PLCL2: variants seen among roughly 807,000 people sequenced by gnomAD.
PLCL2 encodes inactive phospholipase C-like protein 2.
In PLCL2, 4 loss-of-function variants were observed where a neutral mutation model predicts 79.6. The ratio of observed to expected loss-of-function variants is 0.05; its 90% CI spans 0.02 to 0.11. The LOEUF (loss-of-function observed/expected upper bound fraction) is 0.11. Ranked by LOEUF, PLCL2 falls within the 10% of genes least tolerant of loss-of-function variation. PLCL2 has a pLI of 1.00. For synonymous variants in PLCL2, 484 were observed against 457.7 expected, an observed-to-expected ratio of 1.06 and a Z score of -0.73; for missense variants, 895 against 1,291.0, an observed-to-expected ratio of 0.69 and a Z score of 4.70.
chr3:16,949,127 G>C (rs1297422679), intron 1 of PLCL2, among the ~76,000 whole-genome samples: 2 of 152,126 alleles, frequency 1.3e-5, no homozygotes, highest in Admixed American at 6.5e-5. Flanking sequence ...TATTATGAGT[G>C]GTTCAGCAGT....
At chr3:16,905,053 G>T (rs572871780) in intron 1 of PLCL2, among the ~76,000 whole-genome samples, 94 of 152,178 alleles carry the variant, frequency 6.2e-4, no homozygotes, top group Non-Finnish European at 1.1e-3. Context: ...CTTTTTGCAA[G>T]CAGAAGCCTG....
At chr3:16,964,516 A>G (rs1426508248) in intron 1 of PLCL2, among the ~76,000 whole-genome samples, 1 of 152,176 alleles carries the variant, frequency 6.6e-6, no homozygotes, top group Admixed American at 6.5e-5. Flanking sequence ...CATGATTATA[A>G]TCCTTTGGGT....
At chr3:16,938,185 G>A (rs1015571949) in intron 1 of PLCL2, among the ~76,000 whole-genome samples, 1 of 152,062 alleles carries the variant, frequency 6.6e-6, no homozygotes, top group South Asian at 2.1e-4. Context: ...TGGTGGATCT[G>A]TTCTTTAAAA....
rs557196402 is a variant in PLCL2 at position 16,889,475 on chromosome 3, C to T, written c.327+4109C>T. Among the ~76,000 whole-genome samples the T allele has an allele frequency of 7.2e-5, 11 of 152,312 alleles. 1 individual carries two copies. The highest frequency in any genetic ancestry group is 5.8e-4 in the East Asian group (3 of 5,180). ...AACATAGCCAGGAGGCTTTTAGTCA[C>T]CCGTTGTGGCTGCTTGACCAGGGCT... On this transcript the variant is annotated intron_variant, in intron 1 of 5. Transcript: ENST00000615277.
At chr3:17,049,223 T>C (rs528501931) in intron 4 of PLCL2, among the ~76,000 whole-genome samples, 140 of 152,222 alleles carry the variant, frequency 9.2e-4, no homozygotes, top group African/African-American at 3.2e-3. Context: ...CAATTTAAAG[T>C]AAAGGATCCA....
At chr3:16,957,166 A>G (rs2063713786) in intron 1 of PLCL2, among the ~76,000 whole-genome samples, 1 of 151,920 alleles carries the variant, frequency 6.6e-6, no homozygotes, top group Non-Finnish European at 1.5e-5. Context: ...GTGGGCATTT[A>G]GTGCTATAAA....
chr3:17,069,538 G>A (rs934276107), intron 5 of PLCL2, among the ~76,000 whole-genome samples: 9 of 152,240 alleles, frequency 5.9e-5, no homozygotes, highest in Admixed American at 5.9e-4. Flanking sequence ...CAGAGAAACC[G>A]TGAGCCTGCT....
Position 16,900,426 on chromosome 3 carries a change from AC to A in PLCL2, c.327+15061del, listed in dbSNP as rs1696591462. On this transcript the variant is annotated intron_variant, in intron 1 of 5. Transcript: ENST00000615277. ...AACTTTATATCTAGCATGCATTTTGACTTTTAAGAAAATCAGTTAAACTCTG... is the reference window on the plus strand; with the variant it reads ...AACTTTATATCTAGCATGCATTTTGATTTTAAGAAAATCAGTTAAACTCTG... Among the ~76,000 whole-genome samples, 3 of 152,304 alleles carry A rather than the reference AC, an allele frequency of 2.0e-5. No homozygotes were observed. The South Asian group carries it at 6.2e-4, about 32-fold the overall frequency.
At chr3:16,980,276 C>T (rs1200258045) in intron 1 of PLCL2, among the ~76,000 whole-genome samples, 1 of 125,256 alleles carries the variant, frequency 8.0e-6, no homozygotes, top group Non-Finnish European at 1.8e-5. Context: ...GGGGGGCTGA[C>T]CCCCCCCACC....
chr3:17,047,894 T>C (rs1186277824), intron 4 of PLCL2, among the ~76,000 whole-genome samples: 1 of 152,136 alleles, frequency 6.6e-6, no homozygotes, highest in Non-Finnish European at 1.5e-5. Context: ...TTTCCAACTG[T>C]CTGTTTGTAT....
chr3:16,902,357 G>T (rs1208218370), intron 1 of PLCL2, among the ~76,000 whole-genome samples: 2 of 151,912 alleles, frequency 1.3e-5, no homozygotes, highest in East Asian at 1.9e-4. Context: ...TTCTGATAGG[G>T]GCTGCTATTA....
intron 4 of PLCL2, among the ~76,000 whole-genome samples, chr3:17,059,430 G>A (rs1228986989): frequency 4.1e-5 from 6 of 146,186 alleles, no homozygotes; most frequent in African/African-American, 7.7e-5. Flanking sequence ...ATGTGTGTGT[G>A]TATATATATA....
At chr3:16,991,952 A>G (rs377383363) in intron 1 of PLCL2, among the ~76,000 whole-genome samples, 1 of 152,180 alleles carries the variant, frequency 6.6e-6, no homozygotes, top group African/African-American at 2.4e-5. Flanking sequence ...ACATTAAAAG[A>G]TAATCTAATT....
intron 3 of PLCL2, among the ~76,000 whole-genome samples, chr3:17,019,199 G>A (rs2064419278): frequency 6.6e-6 from 1 of 152,152 alleles, no homozygotes; most frequent in Admixed American, 6.6e-5. Flanking sequence ...TGAGTTCGTA[G>A]GGTGAAACAT....
intron 1 of PLCL2, among the ~76,000 whole-genome samples, chr3:16,968,653 G>C (rs1468484050): frequency 6.6e-6 from 1 of 152,112 alleles, no homozygotes; most frequent in South Asian, 2.1e-4. Flanking sequence ...TTGTTTATCA[G>C]ATCAAGGAGA....
chr3:16,977,174 G>C (rs558285199), intron 1 of PLCL2, among the ~76,000 whole-genome samples: 84 of 152,196 alleles, frequency 5.5e-4, no homozygotes, highest in African/African-American at 1.7e-3. Context: ...TATTTATTGA[G>C]TGAATTATTT....
intron 1 of PLCL2, among the ~76,000 whole-genome samples, chr3:16,902,381 G>T (rs1051307754): frequency 1.3e-5 from 2 of 152,078 alleles, no homozygotes; most frequent in African/African-American, 4.8e-5. Context: ...TTAAACAATT[G>T]CGTGATTTCC....
intron 1 of PLCL2, among the ~76,000 whole-genome samples, chr3:16,953,619 T>C (rs1258071287): frequency 6.6e-6 from 1 of 152,186 alleles, no homozygotes; most frequent in Non-Finnish European, 1.5e-5. Flanking sequence ...ATTTAGTCAT[T>C]TCTGACTTCA....
At chr3:16,893,688 G>A (rs768006437) in intron 1 of PLCL2, among the ~76,000 whole-genome samples, 2 of 152,164 alleles carry the variant, frequency 1.3e-5, no homozygotes, top group Non-Finnish European at 2.9e-5. Flanking sequence ...AATTTGTTAT[G>A]TAATACTGCA....
Sources: allele counts gnomAD v4.1 joint callset (sites outside exome capture counted in the v4.1 genomes callset), GRCh38; gene constraint gnomAD v4.1.1; transcripts MANE v1.5; gene names NCBI Gene and HGNC (gene_info 2026-07-23, HGNC 2026-07-21).